ACVR1B: variants seen among roughly 807,000 people sequenced by gnomAD.
ACVR1B encodes activin A receptor type 1B.
Under a neutral mutation model 55.6 loss-of-function variants are expected in ACVR1B, and 15 were observed. The ratio of observed to expected loss-of-function variants is 0.27; its 90% CI spans 0.18 to 0.42. ACVR1B has a LOEUF of 0.42. ACVR1B is among the 10% of genes least tolerant of loss of function. The probability of loss-of-function intolerance (pLI) is 1.00; values close to 1 mark genes in which losing one functional copy is unlikely to be tolerated. For synonymous variants in ACVR1B, 247 were observed against 254.6 expected, an observed-to-expected ratio of 0.97 and a Z score of 0.28; for missense variants, 359 against 670.1, an observed-to-expected ratio of 0.54 and a Z score of 5.13.
chr12:51,983,991 C>G lies in ACVR1B; in HGVS notation c.812-8C>G. The G allele has an allele frequency of 6.2e-7, 1 of 1,614,138 alleles. No individual in the cohort carries two copies. Among genetic ancestry groups the G allele is most frequent in the Non-Finnish European group, 8.5e-7 (1 of 1,179,998 alleles). On this transcript the variant is annotated splice_region_variant and splice_polypyrimidine_tract_variant and intron_variant, in intron 4 of 8. Transcript: ENST00000257963. ...CTTTTTCTGGGACTCATCTGTGGTTCTCTGCAGATAATGGCACCTGGACAC... is the reference window on the plus strand; with the variant it reads ...CTTTTTCTGGGACTCATCTGTGGTTGTCTGCAGATAATGGCACCTGGACAC...
At chr12:51,991,710 G>C (rs142308088) in intron 7 of ACVR1B, among the ~76,000 whole-genome samples, 153 bp from the exon 8 acceptor site, 141 of 152,222 alleles carry the variant, frequency 9.3e-4, no homozygotes, top group South Asian at 2.7e-3. Flanking sequence ...CCCCTTTTGT[G>C]TATTTCTTGT....
At chr12:51,978,610 A>G (rs775998885) in intron 3 of ACVR1B, among the ~76,000 whole-genome samples, 9 of 152,040 alleles carry the variant, frequency 5.9e-5, no homozygotes, top group African/African-American at 2.2e-4. Flanking sequence ...TGGGTGGATC[A>G]TGAGGTCAGA....
At chr12:51,976,676 C>G in intron 3 of ACVR1B, 101 bp downstream of exon 3, 2 of 1,455,968 alleles carry the variant, frequency 1.4e-6, no homozygotes. Flanking sequence ...GCATTTGTTT[C>G]TACCAGCATT....
At chr12:51,990,604 T>C (rs1942172176) in intron 7 of ACVR1B, among the ~76,000 whole-genome samples, 1 of 152,142 alleles carries the variant, frequency 6.6e-6, no homozygotes, top group African/African-American at 2.4e-5. Flanking sequence ...GTGTGAGCCA[T>C]TGTGCCTGGC....
chr12:51,968,695 T>A (rs10876222), intron 1 of ACVR1B, among the ~76,000 whole-genome samples: 42,736 of 152,066 alleles, frequency 0.28, 6,465 homozygotes, highest in Admixed American at 0.48. Context: ...TCCTTTTGGG[T>A]TCTTGCTCTG....
At chr12:51,989,311 G>T (rs1942142823) in intron 7 of ACVR1B, among the ~76,000 whole-genome samples, 1 of 152,038 alleles carries the variant, frequency 6.6e-6, no homozygotes, top group Non-Finnish European at 1.5e-5. Context: ...TTGAGAGAGG[G>T]TTTCTCTTTG....
rs528602085 is a variant in ACVR1B, at chr12:51,970,751, G to T, written c.92-4514G>T. On this transcript the variant is annotated intron_variant, in intron 1 of 8. Coordinates refer to ENST00000257963, the MANE Select transcript of ACVR1B (RefSeq NM_004302.5). ...TGATCAAGTCATAAAATCACGAAGA[G>T]TAAGGGCAGAACTAGAAGGTTGCCC... 4.6e-5 allele frequency among the ~76,000 whole-genome samples: 7 copies of T among 152,276 alleles called. No homozygotes were observed. The East Asian group carries it at 1.2e-3, about 25-fold the overall frequency.
At chr12:51,992,055 T>C in intron 8 of ACVR1B, 62 bp downstream of exon 8, 1 of 1,611,476 alleles carries the variant, frequency 6.2e-7, no homozygotes, top group Non-Finnish European at 8.5e-7. Flanking sequence ...AGAAAAGGGT[T>C]TCTTGACAAT....
intron 1 of ACVR1B, chr12:51,953,398 C>T: frequency 1.0e-6 from 1 of 985,464 alleles, no homozygotes; most frequent in Non-Finnish European, 1.2e-6. Context: ...TCCTAAGCAC[C>T]TCGTGTGTGT....
intron 1 of ACVR1B, among the ~76,000 whole-genome samples, chr12:51,971,477 G>A (rs892316923): frequency 7.2e-5 from 11 of 152,114 alleles, no homozygotes; most frequent in Non-Finnish European, 1.0e-4. Context: ...TTCCGCCTTG[G>A]AATAAGGAGA....
intron 8 of ACVR1B, 182 bp downstream of exon 8, chr12:51,992,175 T>C (rs1942205103): frequency 4.0e-6 from 3 of 753,662 alleles, no homozygotes; most frequent in Non-Finnish European, 6.3e-6. Context: ...TCCTGGACCC[T>C]GTAGGGTGCC....
At chr12:51,986,793 G>C (rs1191585620) in intron 6 of ACVR1B, 25 bp from the exon 7 acceptor site, 5 of 1,597,404 alleles carry the variant, frequency 3.1e-6, no homozygotes, top group African/African-American at 1.3e-5. Context: ...TTCTGTGCGT[G>C]ACCATGTTTG....
rs116693701 is a variant in ACVR1B at position 51,956,707 on chromosome 12, G to T, written c.91+4873G>T. ...GGGAAATACAGGGCTAGGTTCCTGCGAGCCTCTGGTCACTTTTTCAACCTG... is the reference window on the plus strand; with the variant it reads ...GGGAAATACAGGGCTAGGTTCCTGCTAGCCTCTGGTCACTTTTTCAACCTG... On this transcript the variant is annotated intron_variant, in intron 1 of 8. Transcript: ENST00000257963. 3.9e-3 allele frequency among the ~76,000 whole-genome samples: 594 copies of T among 152,228 alleles called. 5 individuals carry two copies. Among genetic ancestry groups the T allele is most frequent in the African/African-American group, 0.014 (574 of 41,534 alleles).
At chr12:51,958,897 C>A (rs1292965385) in intron 1 of ACVR1B, among the ~76,000 whole-genome samples, 1 of 152,130 alleles carries the variant, frequency 6.6e-6, no homozygotes, top group Non-Finnish European at 1.5e-5. Context: ...GGGTTGGGGA[C>A]CCCTGATCCA....
Position 51,995,442 on chromosome 12 carries a change from T to G in ACVR1B, c.*1332T>G, listed in dbSNP as rs1383078500. On this transcript the variant is annotated 3_prime_UTR_variant, in exon 9 of 9. Coordinates refer to ENST00000257963, the MANE Select transcript of ACVR1B (RefSeq NM_004302.5). ...AACAGCCTGAGCCGAACATGTTATT[T>G]AACCTGAGTATAGTATTTAACGAAG... 6.6e-6 allele frequency: 1 copy of G among 152,600 alleles called. No individual in the cohort carries two copies. The highest frequency in any genetic ancestry group is 1.5e-5 in the Non-Finnish European group (1 of 68,040). The allele number at this position is 152,600 out of a possible 1,614,324, so 9.5% of individuals were successfully genotyped here. A position where few individuals can be genotyped will look rare whatever the true frequency, so the allele number is the denominator to read the frequency against.
chr12:51,960,658 T>C (rs187821148), intron 1 of ACVR1B, among the ~76,000 whole-genome samples: 55 of 152,316 alleles, frequency 3.6e-4, no homozygotes, highest in Non-Finnish European at 6.8e-4. Flanking sequence ...CATAGAGAAG[T>C]TAAGCAGTGG....
Position 51,994,234 on chromosome 12 carries a change from G to A in ACVR1B, c.*124G>A, listed in dbSNP as rs1942255637. On this transcript the variant is annotated 3_prime_UTR_variant, in exon 9 of 9. Transcript: ENST00000257963. This position sits in a 1 kb window ranked among gnomAD's most constrained non-coding sequence, Gnocchi z 4.2. ...CCTCTGTGGCCAGGAGCCCTGGCCC[G>A]CAAGAGGGACAGAGCCCGGGAGAGA... 10 of 1,404,626 alleles carry A rather than the reference G, an allele frequency of 7.1e-6. No individual in the cohort carries two copies. The African/African-American group carries it at 7.1e-5, about 10-fold the overall frequency. The allele number at this position is 1,404,626 out of a possible 1,614,324, so 87.0% of individuals were successfully genotyped here. A position where few individuals can be genotyped will look rare whatever the true frequency, so the allele number is the denominator to read the frequency against.
chr12:51,976,187 A>G (rs921064780), intron 2 of ACVR1B, 140 bp from the exon 3 acceptor site: 3 of 1,005,660 alleles, frequency 3.0e-6, no homozygotes, highest in Non-Finnish European at 2.9e-6. Flanking sequence ...ACTAGCCCAG[A>G]AGATTAGAGA....
At chr12:51,975,869 A>G (rs1941840263) in intron 2 of ACVR1B, among the ~76,000 whole-genome samples, 1 of 152,250 alleles carries the variant, frequency 6.6e-6, no homozygotes, top group Non-Finnish European at 1.5e-5. Flanking sequence ...GATGATGGTT[A>G]GATGTGAGGA....
Sources: gnomAD v4.1 joint callset for allele counts (sites outside exome capture counted in the v4.1 genomes callset) on GRCh38, gnomAD v4.1.1 for gene constraint, Gnocchi (gnomAD v3.1) non-coding constraint, MANE v1.5 for transcripts, NCBI Gene and HGNC (gene_info 2026-07-23, HGNC 2026-07-21) for gene names.